REDIC1: variants seen among roughly 807,000 people sequenced by gnomAD.
REDIC1 encodes regulator of DNA class I crossover intermediates 1, also known as HEI10 Interacting Protein 1.
At chr12:39,732,785 T>A in the REDIC1 span, among the ~76,000 whole-genome samples, 43 of 152,326 alleles carry the variant, frequency 2.8e-4, no homozygotes, top group African/African-American at 1.0e-3. Flanking sequence ...TTATTGAAAC[T>A]CAAAATGCCC....
chr12:39,758,370 G>A, the REDIC1 span: 1 of 151,762 alleles, frequency 6.6e-6, no homozygotes, highest in Non-Finnish European at 1.5e-5. Context: ...AAAGAATAGA[G>A]TATCTTGGAG....
chr12:39,738,378 C>A, the REDIC1 span, among the ~76,000 whole-genome samples: 12 of 152,234 alleles, frequency 7.9e-5, no homozygotes, highest in East Asian at 2.1e-3. Context: ...ACGAATTAGA[C>A]AAAGTGAATG....
chr12:39,829,924 G>A, the REDIC1 span: 1 of 794,212 alleles, frequency 1.3e-6, no homozygotes, highest in Non-Finnish European at 2.0e-6. Context: ...TTTCTACTCT[G>A]TGTGAAACAC....
the REDIC1 span, among the ~76,000 whole-genome samples, chr12:39,702,551 A>C: frequency 2.1e-3 from 313 of 152,232 alleles, no homozygotes; most frequent in African/African-American, 5.9e-3. Context: ...TCCAATCAAT[A>C]GGAAAAGAGG....
the REDIC1 span, among the ~76,000 whole-genome samples, chr12:39,846,348 T>C: frequency 6.6e-6 from 1 of 152,206 alleles, no homozygotes; most frequent in Non-Finnish European, 1.5e-5. Context: ...AATTTCAAAA[T>C]GAAGAGGGTA....
the REDIC1 span, among the ~76,000 whole-genome samples, chr12:39,740,339 G>A: frequency 6.6e-6 from 1 of 151,824 alleles, no homozygotes; most frequent in Non-Finnish European, 1.5e-5. Context: ...TATTTTTTCA[G>A]AATTTTTTTT....
At chr12:39,641,057 C>A in the REDIC1 span, 1 of 1,291,266 alleles carries the variant, frequency 7.7e-7, no homozygotes, top group South Asian at 1.2e-5. Context: ...AAGTGCTTTT[C>A]TACCACTAAT....
the REDIC1 span, among the ~76,000 whole-genome samples, chr12:39,685,311 G>C: frequency 6.6e-6 from 1 of 152,168 alleles, no homozygotes; most frequent in Non-Finnish European, 1.5e-5. Context: ...GCATGATGCT[G>C]GCATCTGATT....
At chr12:39,679,869 C>G in the REDIC1 span, among the ~76,000 whole-genome samples, 3 of 152,044 alleles carry the variant, frequency 2.0e-5, no homozygotes, top group Non-Finnish European at 4.4e-5. Context: ...TTCGACAAAG[C>G]AAACCAAAAC....
At chr12:39,727,495 G>C in the REDIC1 span, among the ~76,000 whole-genome samples, 1 of 152,100 alleles carries the variant, frequency 6.6e-6, no homozygotes, top group African/African-American at 2.4e-5. Flanking sequence ...CCTCCATTCT[G>C]TTCCATTGGT....
the REDIC1 span, among the ~76,000 whole-genome samples, chr12:39,701,686 G>C: frequency 2.6e-5 from 4 of 152,072 alleles, no homozygotes; most frequent in African/African-American, 9.7e-5. Context: ...CACATACTTG[G>C]AAGTAAAGCA....
the REDIC1 span, among the ~76,000 whole-genome samples, chr12:39,741,265 A>C: frequency 2.0e-5 from 3 of 152,218 alleles, no homozygotes; most frequent in Non-Finnish European, 4.4e-5. Flanking sequence ...TTATTATGTT[A>C]TTCAAACTGG....
chr12:39,664,520 G>C, the REDIC1 span, among the ~76,000 whole-genome samples: 1 of 152,112 alleles, frequency 6.6e-6, no homozygotes, highest in Non-Finnish European at 1.5e-5. Flanking sequence ...ATTGTGAATA[G>C]TGCCACAATA....
At chr12:39,655,782 G>T in the REDIC1 span, among the ~76,000 whole-genome samples, 1 of 152,126 alleles carries the variant, frequency 6.6e-6, no homozygotes, top group South Asian at 2.1e-4. Context: ...TAACTGTATG[G>T]ACACCTACTA....
At chr12:39,825,861 G>T in the REDIC1 span, among the ~76,000 whole-genome samples, 1 of 151,888 alleles carries the variant, frequency 6.6e-6, no homozygotes, top group Admixed American at 6.6e-5. Flanking sequence ...AACCTCTTGT[G>T]GATCTGTTTA....
chr12:39,903,609 C>T, the REDIC1 span, among the ~76,000 whole-genome samples: 312 of 152,122 alleles, frequency 2.1e-3, no homozygotes, highest in African/African-American at 6.9e-3. Context: ...GTTTTCAACT[C>T]TGGCTTTTCC....
chr12:39,794,910 T>G, the REDIC1 span, among the ~76,000 whole-genome samples: 4 of 152,202 alleles, frequency 2.6e-5, no homozygotes, highest in African/African-American at 9.6e-5. Context: ...TAATTGCTCT[T>G]GCCTTGAAGA....
chr12:39,705,583 T>G, the REDIC1 span, among the ~76,000 whole-genome samples: 3 of 152,018 alleles, frequency 2.0e-5, no homozygotes, highest in Non-Finnish European at 1.5e-5. Context: ...GCAAACAGGA[T>G]TCAACAGTAT....
the REDIC1 span, among the ~76,000 whole-genome samples, chr12:39,895,192 G>T: frequency 6.6e-6 from 1 of 151,798 alleles, no homozygotes; most frequent in East Asian, 1.9e-4. Flanking sequence ...ACAAGTAGTG[G>T]GTCTGTTACT....
Sources: allele counts gnomAD v4.1 joint callset (sites outside exome capture counted in the v4.1 genomes callset), GRCh38; gene constraint gnomAD v4.1.1; transcripts MANE v1.5; gene names NCBI Gene and HGNC (gene_info 2026-07-23, HGNC 2026-07-21).